Variants in BAIAP2L1 observed in about 807,000 individuals in gnomAD.
BAIAP2L1 encodes the protein BAR/IMD domain-containing adapter protein 2-like 1.
BAIAP2L1 carries 35 observed loss-of-function variants against 66.3 expected under a neutral mutation model. The ratio of observed to expected loss-of-function variants is 0.53; its 90% CI spans 0.40 to 0.70. The LOEUF (loss-of-function observed/expected upper bound fraction) is 0.70. Among genes scored for constraint, BAIAP2L1 ranks in the 30% least tolerant of loss-of-function variants. The pLI, the probability that BAIAP2L1 is intolerant of heterozygous loss-of-function variation, is 0.00. For missense variants in BAIAP2L1, 622 were observed against 656.9 expected, an observed-to-expected ratio of 0.95 and a Z score of 0.58; for synonymous variants, 269 against 248.7, an observed-to-expected ratio of 1.08 and a Z score of -0.77.
chr7:98,339,048 G>A (rs981548274), intron 3 of BAIAP2L1, among the ~76,000 whole-genome samples: 3 of 150,754 alleles, frequency 2.0e-5, no homozygotes, highest in African/African-American at 2.4e-5. Context: ...ACTCCAGCCT[G>A]GCCAACAGAG....
chr7:98,329,411 T>C (rs1233793834), intron 3 of BAIAP2L1, among the ~76,000 whole-genome samples: 3 of 151,916 alleles, frequency 2.0e-5, no homozygotes, highest in Admixed American at 6.6e-5. Context: ...AGTCTGAGAG[T>C]TGCAAACTTC....
At chr7:98,395,930 T>C (rs529114995) in intron 1 of BAIAP2L1, among the ~76,000 whole-genome samples, 3 of 152,194 alleles carry the variant, frequency 2.0e-5, no homozygotes, top group Non-Finnish European at 4.4e-5. Flanking sequence ...CCTGTAGCTT[T>C]TGATTTACAT....
At chr7:98,331,488 G>A (rs55648546) in intron 3 of BAIAP2L1, among the ~76,000 whole-genome samples, 34,159 of 132,040 alleles carry the variant, frequency 0.26, 4,601 homozygotes, top group East Asian at 0.46. Flanking sequence ...TTTTTTTGGA[G>A]ACAGACTTTC....
chr7:98,303,502 G>T (rs1334887292), intron 12 of BAIAP2L1, among the ~76,000 whole-genome samples: 1 of 152,174 alleles, frequency 6.6e-6, no homozygotes, highest in Non-Finnish European at 1.5e-5. Flanking sequence ...TCTCTGCATG[G>T]CTTCTAGTGT....
At chr7:98,389,175 C>G (rs1802966797) in intron 1 of BAIAP2L1, among the ~76,000 whole-genome samples, 1 of 151,978 alleles carries the variant, frequency 6.6e-6, no homozygotes, top group Non-Finnish European at 1.5e-5. Flanking sequence ...TTCTGTACTC[C>G]TCTCCCCTCC....
In BAIAP2L1 at chr7:98,368,030, T is replaced by G. The variant is rs1229791722; in HGVS notation, c.52-5598A>C. 2.0e-5 allele frequency among the ~76,000 whole-genome samples: 3 copies of G among 152,222 alleles called. 1 individual carries two copies. Among genetic ancestry groups the G allele is most frequent in the Admixed American group, 2.0e-4 (3 of 15,268 alleles). On this transcript the variant is annotated intron_variant, in intron 1 of 13. Transcript: ENST00000005260. ...ACTAACACACACGCCTCTTTTGTGC[T>G]GCCACTTAATAATCATGCCCTCCTC...
At chr7:98,358,595 G>C (rs1055841671) in intron 2 of BAIAP2L1, among the ~76,000 whole-genome samples, 2 of 151,688 alleles carry the variant, frequency 1.3e-5, no homozygotes, top group Admixed American at 1.3e-4. Context: ...GGGCTCAAGC[G>C]ATCCTCCCAC....
At chr7:98,341,754 A>AT (rs1801746364) in intron 3 of BAIAP2L1, among the ~76,000 whole-genome samples, 1 of 152,150 alleles carries the variant, frequency 6.6e-6, no homozygotes. Flanking sequence ...TTAATATTAC[A>AT]TTTATAATGT....
intron 3 of BAIAP2L1, among the ~76,000 whole-genome samples, chr7:98,332,769 G>A (rs1033020473): frequency 7.9e-5 from 11 of 139,226 alleles, no homozygotes; most frequent in Non-Finnish European, 1.4e-4. Flanking sequence ...AGATCACGCC[G>A]CTGCACTCCA....
chr7:98,295,440 G>A (rs957056253), intron 12 of BAIAP2L1, among the ~76,000 whole-genome samples: 13 of 152,210 alleles, frequency 8.5e-5, no homozygotes, highest in African/African-American at 2.4e-4. Context: ...GGCACTCAAC[G>A]CTTCCCTAGC....
At chr7:98,307,418 T>G (rs1262167324) in intron 10 of BAIAP2L1, 2 of 1,288,048 alleles carry the variant, frequency 1.6e-6, no homozygotes. Context: ...TGCTAAATTT[T>G]TTTTAAAAAC....
At chr7:98,377,212 T>A (rs140829761) in intron 1 of BAIAP2L1, among the ~76,000 whole-genome samples, 2 of 152,298 alleles carry the variant, frequency 1.3e-5, no homozygotes, top group African/African-American at 4.8e-5. Context: ...ATTTTACCCA[T>A]CTATTTCTTG....
At chr7:98,342,973 C>G (rs577751904) in intron 3 of BAIAP2L1, among the ~76,000 whole-genome samples, 3 of 151,842 alleles carry the variant, frequency 2.0e-5, no homozygotes. Flanking sequence ...GAAGGATTAA[C>G]CTTTATCACG....
intron 3 of BAIAP2L1, 134 bp from the exon 4 acceptor site, chr7:98,320,432 T>C: frequency 1.6e-6 from 1 of 643,540 alleles, no homozygotes; most frequent in East Asian, 2.8e-5. Context: ...GCCTCCCGGG[T>C]TCAAACTATT....
At chr7:98,392,299 C>T (rs981528704) in intron 1 of BAIAP2L1, among the ~76,000 whole-genome samples, 2 of 151,836 alleles carry the variant, frequency 1.3e-5, no homozygotes, top group African/African-American at 2.4e-5. Flanking sequence ...AAGCTGAGAT[C>T]GCGCCATTTC....
chr7:98,355,301 G>A, intron 2 of BAIAP2L1, 173 bp from the exon 3 acceptor site: 1 of 612,904 alleles, frequency 1.6e-6, no homozygotes, highest in Non-Finnish European at 3.0e-6. Context: ...CGGGGTGGAG[G>A]CCCTCCAGCC....
intron 1 of BAIAP2L1, among the ~76,000 whole-genome samples, chr7:98,369,471 C>T (rs1802460765): frequency 6.6e-6 from 1 of 152,078 alleles, no homozygotes; most frequent in East Asian, 1.9e-4. Context: ...AAGCGAGACC[C>T]TGTCTTGAAA....
intron 7 of BAIAP2L1, among the ~76,000 whole-genome samples, chr7:98,313,982 CTTTTTTT>C (rs35599338): frequency 9.9e-6 from 1 of 100,940 alleles, no homozygotes; most frequent in African/African-American, 3.7e-5. Context: ...CTTTTTCTTC[CTTTTTTT>C]TTTTTTTTTT....
intron 3 of BAIAP2L1, among the ~76,000 whole-genome samples, chr7:98,353,536 CATAT>C (rs1000543252): frequency 3.8e-5 from 5 of 130,826 alleles, no homozygotes; most frequent in African/African-American, 1.5e-4. Flanking sequence ...TATAAATATA[CATAT>C]ATTTATATTA....
Sources: gnomAD v4.1 joint callset for allele counts (sites outside exome capture counted in the v4.1 genomes callset) on GRCh38, gnomAD v4.1.1 for gene constraint, MANE v1.5 for transcripts, NCBI Gene and HGNC (gene_info 2026-07-23, HGNC 2026-07-21) for gene names.